KCNMA1: variants seen among roughly 807,000 people sequenced by gnomAD.
The protein encoded by KCNMA1 is potassium calcium-activated channel subfamily M alpha 1, also known as Calcium-activated potassium channel subunit alpha-1.
KCNMA1 carries 29 observed loss-of-function variants against 140.0 expected under a neutral mutation model. The ratio of observed to expected loss-of-function variants is 0.21; its 90% CI spans 0.15 to 0.28. The LOEUF is 0.28. Ranked by LOEUF, KCNMA1 falls within the 10% of genes least tolerant of loss-of-function variation. The pLI, the probability that KCNMA1 is intolerant of heterozygous loss-of-function variation, is 1.00. For missense variants in KCNMA1, 880 were observed against 1,602.2 expected, an observed-to-expected ratio of 0.55 and a Z score of 7.70; for synonymous variants, 612 against 611.9, an observed-to-expected ratio of 1.00 and a Z score of 0.00.
chr10:76,920,020 G>GTGTATATATATATATA (rs1177257916), intron 23 of KCNMA1, among the ~76,000 whole-genome samples: 9 of 34,426 alleles, frequency 2.6e-4, no homozygotes, highest in South Asian at 1.2e-3. Flanking sequence ...GTGTGTGTGT[G>GTGTATATATATATATA]TATATATATA....
At chr10:77,181,496 A>C (rs1352490702) in intron 5 of KCNMA1, among the ~76,000 whole-genome samples, 2 of 152,234 alleles carry the variant, frequency 1.3e-5, no homozygotes, top group Non-Finnish European at 2.9e-5. Context: ...TAATGACCCA[A>C]GAACCTTAAA....
At chr10:76,953,509 C>T (rs1007248369) in intron 21 of KCNMA1, among the ~76,000 whole-genome samples, 4 of 152,172 alleles carry the variant, frequency 2.6e-5, no homozygotes, top group East Asian at 1.9e-4. Flanking sequence ...CTGACACCAG[C>T]GCCATGGCCA....
chr10:77,166,630 G>A lies in KCNMA1; in HGVS notation c.808+16791C>T, dbSNP rs1352665347. Among the ~76,000 whole-genome samples the A allele has an allele frequency of 3.3e-5, 5 of 152,146 alleles. No individual in the cohort carries two copies. In the East Asian group the frequency reaches 5.8e-4, roughly 18 times the overall value. On this transcript the variant is annotated intron_variant, in intron 5 of 27. Transcript: ENST00000286628. Reference sequence around the variant, plus strand: ...GGAGGAGGGAAAAGAAAAGGAGAAGGAGGGAGAGGGAGAGGAGAAGGAGGA... The same window carrying A: ...GGAGGAGGGAAAAGAAAAGGAGAAGAAGGGAGAGGGAGAGGAGAAGGAGGA...
intron 2 of KCNMA1, among the ~76,000 whole-genome samples, chr10:77,316,843 G>A (rs2081022182): frequency 6.6e-6 from 1 of 152,200 alleles, no homozygotes; most frequent in African/African-American, 2.4e-5. Flanking sequence ...CTTAATTAAA[G>A]TTAACCACAT....
At chr10:77,050,761 T>C (rs753724241) in intron 14 of KCNMA1, among the ~76,000 whole-genome samples, 2 of 152,330 alleles carry the variant, frequency 1.3e-5, no homozygotes, top group African/African-American at 2.4e-5. Flanking sequence ...GTATTCTCCA[T>C]GATGCCTTGA....
intron 19 of KCNMA1, chr10:76,972,958 CTATAAAA>C (rs981519119): frequency 4.6e-5 from 7 of 152,092 alleles, no homozygotes; most frequent in African/African-American, 1.4e-4. Context: ...TTTAGTTAAG[CTATAAAA>C]TATAATTTTC....
intron 2 of KCNMA1, among the ~76,000 whole-genome samples, chr10:77,375,534 C>T (rs531923224): frequency 2.6e-4 from 40 of 152,326 alleles, no homozygotes; most frequent in African/African-American, 7.7e-4. Flanking sequence ...TAGCATCCAC[C>T]GCACTGCAGT....
Position 76,991,889 on chromosome 10 carries a change from A to G in KCNMA1, c.2266+9518T>C, listed in dbSNP as rs114062382. On this transcript the variant is annotated intron_variant, in intron 19 of 27. Coordinates refer to ENST00000286628, the MANE Select transcript of KCNMA1 (RefSeq NM_001161352.2). ...CAGCTCCCTTCCCAGAAGATAGCCC[A>G]TGCTCTATGGTGTGCAGATGCCCAT... Among the ~76,000 whole-genome samples the G allele has an allele frequency of 5.4e-3, 825 of 152,294 alleles. 5 individuals carry two copies. The highest frequency in any genetic ancestry group is 0.019 in the African/African-American group (778 of 41,562).
chr10:76,999,326 AG>A (rs1157648470), intron 19 of KCNMA1, among the ~76,000 whole-genome samples: 1 of 152,250 alleles, frequency 6.6e-6, no homozygotes, highest in African/African-American at 2.4e-5. Context: ...GACATGACCA[AG>A]GGGCCCTAGC....
chr10:77,366,511 A>G (rs922608639), intron 2 of KCNMA1, among the ~76,000 whole-genome samples: 1 of 152,154 alleles, frequency 6.6e-6, no homozygotes, highest in Non-Finnish European at 1.5e-5. Context: ...TTTTGGAGTC[A>G]TTATTATTTT....
chr10:77,329,999 ATTG>A (rs1375712961), intron 2 of KCNMA1, among the ~76,000 whole-genome samples: 1 of 152,148 alleles, frequency 6.6e-6, no homozygotes, highest in African/African-American at 2.4e-5. Flanking sequence ...AATTAGTTTT[ATTG>A]TTATTATTAT....
chr10:77,310,427 G>A (rs992286318), intron 2 of KCNMA1, among the ~76,000 whole-genome samples: 8 of 152,182 alleles, frequency 5.3e-5, no homozygotes, highest in African/African-American at 1.9e-4. Flanking sequence ...AAGCATTCCT[G>A]TGTGCCAGAT....
chr10:77,628,975 C>T (rs1232420140), intron 1 of KCNMA1, among the ~76,000 whole-genome samples: 4 of 152,036 alleles, frequency 2.6e-5, no homozygotes, highest in Non-Finnish European at 5.9e-5. Flanking sequence ...GATCTGAGTC[C>T]CCAAGAAAAT....
At chr10:77,094,208 T>C (rs768406728) in intron 9 of KCNMA1, among the ~76,000 whole-genome samples, 5 of 152,196 alleles carry the variant, frequency 3.3e-5, no homozygotes, top group Non-Finnish European at 7.4e-5. Flanking sequence ...GTGTTCTCAC[T>C]GCCTGAGTCT....
intron 1 of KCNMA1, among the ~76,000 whole-genome samples, chr10:77,619,782 G>A (rs2090827160): frequency 6.6e-6 from 1 of 152,156 alleles, no homozygotes; most frequent in Admixed American, 6.5e-5. Flanking sequence ...CACCCAGGAT[G>A]GAAGGACAAA....
At chr10:77,140,834 G>T (rs528005625) in intron 5 of KCNMA1, 1 of 152,306 alleles carries the variant, frequency 6.6e-6, no homozygotes, top group Non-Finnish European at 1.5e-5. Flanking sequence ...TCAGCTTCAC[G>T]CTGGAAATAA....
chr10:77,015,628 A>G (rs1398528130), intron 17 of KCNMA1, among the ~76,000 whole-genome samples: 1 of 152,110 alleles, frequency 6.6e-6, no homozygotes, highest in Non-Finnish European at 1.5e-5. Flanking sequence ...TGTTTAGTAC[A>G]CATCTCCTAC....
chr10:77,351,201 T>C (rs2092833326), intron 2 of KCNMA1, among the ~76,000 whole-genome samples: 1 of 152,170 alleles, frequency 6.6e-6, no homozygotes, highest in Non-Finnish European at 1.5e-5. Context: ...AGTGAAGACA[T>C]GCTCATTTTA....
chr10:77,025,381 G>C, intron 16 of KCNMA1: 1 of 1,372,268 alleles, frequency 7.3e-7, no homozygotes, highest in East Asian at 2.4e-5. Flanking sequence ...CAAATGGTTA[G>C]TCCTGTGGTT....
Sources: allele counts gnomAD v4.1 joint callset (sites outside exome capture counted in the v4.1 genomes callset), GRCh38; gene constraint gnomAD v4.1.1; transcripts MANE v1.5; gene names NCBI Gene and HGNC (gene_info 2026-07-23, HGNC 2026-07-21).